Variants in AUTS2 observed in about 807,000 individuals in gnomAD.
AUTS2 encodes the protein autism susceptibility gene 2 protein.
In AUTS2, 17 loss-of-function variants were observed where a neutral mutation model predicts 112.4. That is an observed-to-expected ratio of 0.15 (90% confidence interval 0.10 to 0.23). The LOEUF is 0.23. AUTS2 is among the 10% of genes least tolerant of loss of function. AUTS2 has a pLI of 1.00. For synonymous variants in AUTS2, 751 were observed against 702.7 expected, an observed-to-expected ratio of 1.07 and a Z score of -1.09; for missense variants, 1,510 against 1,701.6, an observed-to-expected ratio of 0.89 and a Z score of 1.98.
intron 1 of AUTS2, among the ~76,000 whole-genome samples, chr7:69,697,563 A>G (rs1482498325): frequency 6.6e-6 from 1 of 152,198 alleles, no homozygotes; most frequent in Non-Finnish European, 1.5e-5. Flanking sequence ...TTAGCTTTAT[A>G]CCTACAGAAA....
chr7:69,995,221 T>C (rs1027695574), intron 2 of AUTS2, among the ~76,000 whole-genome samples: 3 of 152,176 alleles, frequency 2.0e-5, no homozygotes, highest in African/African-American at 7.2e-5. Flanking sequence ...TGTAATTATA[T>C]ATCCTCGTTC....
At chr7:69,628,472 C>T (rs561606537) in intron 1 of AUTS2, among the ~76,000 whole-genome samples, 3 of 152,222 alleles carry the variant, frequency 2.0e-5, no homozygotes, top group African/African-American at 7.2e-5. Flanking sequence ...TTTGTCGTAA[C>T]TGTGAGGTTG....
At chr7:69,888,987 G>A (rs983924607) in intron 1 of AUTS2, among the ~76,000 whole-genome samples, 2 of 152,216 alleles carry the variant, frequency 1.3e-5, no homozygotes, top group African/African-American at 4.8e-5. Flanking sequence ...GAGTGATGGA[G>A]TAGTACAATT....
chr7:70,226,354 C>T (rs1233900601), intron 4 of AUTS2, among the ~76,000 whole-genome samples: 3 of 131,080 alleles, frequency 2.3e-5, no homozygotes, highest in African/African-American at 8.3e-5. Flanking sequence ...CCACCATGCC[C>T]GGCTAATTTT....
At chr7:69,921,104 A>G (rs984626712) in intron 2 of AUTS2, among the ~76,000 whole-genome samples, 2 of 152,160 alleles carry the variant, frequency 1.3e-5, no homozygotes, top group African/African-American at 2.4e-5. Context: ...GGCATCAGAG[A>G]TGGCGAGTTG....
At chr7:70,532,005 G>A (rs538218386) in intron 5 of AUTS2, among the ~76,000 whole-genome samples, 10 of 152,264 alleles carry the variant, frequency 6.6e-5, no homozygotes, top group Middle Eastern at 3.4e-3. Flanking sequence ...TTTGACTTAC[G>A]TCTGGTGAAT....
intron 4 of AUTS2, among the ~76,000 whole-genome samples, chr7:70,364,768 T>G (rs1792489592): frequency 6.6e-6 from 1 of 152,074 alleles, no homozygotes; most frequent in South Asian, 2.1e-4. Context: ...TTTAGTTAAC[T>G]CTCTCTGGTC....
At chr7:70,069,704 TTTTG>T (rs1255402642) in intron 2 of AUTS2, among the ~76,000 whole-genome samples, 173 of 130,442 alleles carry the variant, frequency 1.3e-3, no homozygotes, top group African/African-American at 4.8e-3. Flanking sequence ...CCATGGTTTT[TTTTG>T]TTTTTTTTTT....
chr7:69,870,448 A>AATAT lies in AUTS2; in HGVS notation c.310-28823_310-28820dup, dbSNP rs11467258. ...TACATATCTGTGCGTATGTGTGTGT[A>AATAT]ATATATATATATATATATGTATTCA... is the stretch of plus-strand genomic sequence containing the variant. On this transcript the variant is annotated intron_variant, in intron 1 of 18. Coordinates refer to ENST00000342771, the MANE Select transcript of AUTS2 (RefSeq NM_015570.4). Among the ~76,000 whole-genome samples, 92 of 78,970 alleles carry AATAT rather than the reference A, an allele frequency of 1.2e-3. 6 individuals are homozygous for AATAT. Among genetic ancestry groups the AATAT allele is most frequent in the African/African-American group, 2.7e-3 (62 of 22,648 alleles). The allele number at this position is 78,970 out of a possible 152,430, so 51.8% of individuals were successfully genotyped here. A position where few individuals can be genotyped will look rare whatever the true frequency, so the allele number is the denominator to read the frequency against.
intron 4 of AUTS2, among the ~76,000 whole-genome samples, chr7:70,433,681 A>C (rs955955547): frequency 6.6e-6 from 1 of 152,228 alleles, no homozygotes; most frequent in Admixed American, 6.5e-5. Context: ...ACTTGGTTAA[A>C]TCGCTGTCAC....
chr7:70,752,957 G>A (rs1335013459), intron 6 of AUTS2, among the ~76,000 whole-genome samples: 1 of 152,154 alleles, frequency 6.6e-6, no homozygotes, highest in Non-Finnish European at 1.5e-5. Context: ...TCAAGATTGT[G>A]GTTGATACAC....
intron 4 of AUTS2, among the ~76,000 whole-genome samples, chr7:70,364,214 AT>A: frequency 6.6e-6 from 1 of 152,096 alleles, no homozygotes; most frequent in Non-Finnish European, 1.5e-5. Context: ...AAAAAAATGC[AT>A]TTAGTCTTTC....
At chr7:70,340,194 A>ACACACACACCCCCC (rs942358361) in intron 4 of AUTS2, among the ~76,000 whole-genome samples, 2 of 151,006 alleles carry the variant, frequency 1.3e-5, no homozygotes, top group African/African-American at 4.9e-5. Flanking sequence ...ACACACACAC[A>ACACACACACCCCCC]CCCCGTAATA....
intron 1 of AUTS2, among the ~76,000 whole-genome samples, chr7:69,723,019 A>G (rs1260990750): frequency 6.6e-6 from 1 of 152,122 alleles, no homozygotes; most frequent in African/African-American, 2.4e-5. Context: ...GAGCGCTACC[A>G]TAGAACTGTT....
intron 4 of AUTS2, among the ~76,000 whole-genome samples, chr7:70,208,633 T>G (rs536435059): frequency 6.6e-6 from 1 of 151,888 alleles, no homozygotes; most frequent in African/African-American, 2.4e-5. Flanking sequence ...GGTAAGAAAA[T>G]AGATAACTCA....
At chr7:70,077,538 G>T (rs1007095892) in intron 2 of AUTS2, among the ~76,000 whole-genome samples, 3 of 152,192 alleles carry the variant, frequency 2.0e-5, no homozygotes, top group African/African-American at 7.2e-5. Context: ...CAAAGTGTTT[G>T]TTGACCTAAA....
intron 2 of AUTS2, among the ~76,000 whole-genome samples, chr7:69,948,936 G>T (rs2129545729): frequency 6.6e-6 from 1 of 152,112 alleles, no homozygotes; most frequent in African/African-American, 2.4e-5. Flanking sequence ...CTCCCAAGTA[G>T]CTGGGACTAC....
At position 70,763,268 on chromosome 7, in the gene AUTS2, C is replaced by T. The variant is rs1473931043; in HGVS notation, c.1141C>T (p.His381Tyr). ...LHQNLPPVQA[H>Y]PSAQSLSQPL... ...TCAGAACCTCCCACCTGTGCAGGCC[C>T]ACCCCTCTGCTCAGAGCCTCTCCCA... The change falls in exon 7 of 19, where the codon CAC becomes TAC. Residue 381 changes from histidine (H) to tyrosine (Y), a missense_variant. Physicochemically the swap from His to Tyr is moderately conservative, Grantham distance 83 (BLOSUM62 2). Around this residue, in one of 3 missense-constraint regions of AUTS2, gnomAD observed 535 missense variants for 594.3 expected, o/e 0.90. Transcript: ENST00000342771. The T allele has an allele frequency of 1.2e-6, 2 of 1,613,060 alleles. No individual in the cohort carries two copies. Among genetic ancestry groups the T allele is most frequent in the Admixed American group, 3.3e-5 (2 of 59,930 alleles).
At position 69,991,498 on chromosome 7, in the gene AUTS2, T is replaced by C. The variant is rs551422844; in HGVS notation, c.522+92000T>C. 3.3e-5 allele frequency among the ~76,000 whole-genome samples: 5 copies of C among 152,290 alleles called. No homozygotes were observed. In the South Asian group the frequency reaches 8.3e-4, roughly 25 times the overall value. ...GAGCTGATGGTCACTGTATCCCAAA[T>C]TGACACACTAGTTAGGTAGCCCTTG... On this transcript the variant is annotated intron_variant, in intron 2 of 18. Coordinates refer to ENST00000342771, the MANE Select transcript of AUTS2 (RefSeq NM_015570.4).
Sources: allele counts gnomAD v4.1 joint callset (sites outside exome capture counted in the v4.1 genomes callset), GRCh38; gene constraint gnomAD v4.1.1; regional missense constraint gnomAD v4.1.1; transcripts MANE v1.5; gene names NCBI Gene and HGNC (gene_info 2026-07-23, HGNC 2026-07-21).